The following ZNF804B variants were observed in gnomAD, a reference collection of about 807,000 sequenced individuals.
ZNF804B encodes the protein zinc finger protein 804B.
ZNF804B carries 80 observed loss-of-function variants against 101.4 expected under a neutral mutation model. The ratio of observed to expected loss-of-function variants is 0.79; its 90% CI spans 0.66 to 0.95. The LOEUF is 0.95. Ranked by LOEUF, ZNF804B falls within the 40% of genes least tolerant of loss-of-function variation. The pLI is 0.00. For synonymous variants in ZNF804B, 622 were observed against 558.8 expected, an observed-to-expected ratio of 1.11 and a Z score of -1.59; for missense variants, 1,673 against 1,561.9, an observed-to-expected ratio of 1.07 and a Z score of -1.20.
intron 1 of ZNF804B, among the ~76,000 whole-genome samples, chr7:88,885,304 A>G (rs1002183683): frequency 2.0e-5 from 3 of 151,786 alleles, no homozygotes; most frequent in African/African-American, 7.2e-5. Flanking sequence ...TTAGAGTCCA[A>G]ATCTCTAAAT....
At chr7:89,325,428 T>A (rs1245850852) in intron 2 of ZNF804B, among the ~76,000 whole-genome samples, 1 of 151,984 alleles carries the variant, frequency 6.6e-6, no homozygotes, top group African/African-American at 2.4e-5. Context: ...AGCACTTGTC[T>A]GTCTTCCTTG....
chr7:88,947,686 AC>A (rs987365584), intron 1 of ZNF804B, among the ~76,000 whole-genome samples: 1 of 151,904 alleles, frequency 6.6e-6, no homozygotes, highest in African/African-American at 2.4e-5. Flanking sequence ...AGAAAAAAAA[AC>A]TTAAAAGAAT....
intron 1 of ZNF804B, among the ~76,000 whole-genome samples, chr7:88,854,574 C>CCTTG (rs1233727148): frequency 1.5e-5 from 2 of 135,102 alleles, no homozygotes; most frequent in Non-Finnish European, 3.1e-5. Flanking sequence ...TTCCTTCCTT[C>CCTTG]CTTCCTTCCT....
chr7:88,927,819 C>A (rs1481236988), intron 1 of ZNF804B, among the ~76,000 whole-genome samples: 3 of 152,164 alleles, frequency 2.0e-5, no homozygotes, highest in Admixed American at 2.0e-4. Context: ...ATTATATAAA[C>A]TGTATTCCTA....
At chr7:89,014,707 T>G (rs939316072) in intron 1 of ZNF804B, among the ~76,000 whole-genome samples, 1 of 152,210 alleles carries the variant, frequency 6.6e-6, no homozygotes, top group African/African-American at 2.4e-5. Flanking sequence ...ATCAAATTGT[T>G]TATTTGCTGT....
rs367561225 is a variant in ZNF804B at position 89,220,110 on chromosome 7, T to G, written c.249+1815T>G. On this transcript the variant is annotated intron_variant, in intron 2 of 3. Transcript: ENST00000333190. ...ATATATACGCACATATATATGTGTGTATATACATATATATACGCACACATA... is the reference window on the plus strand; with the variant it reads ...ATATATACGCACATATATATGTGTGGATATACATATATATACGCACACATA... Among the ~76,000 whole-genome samples, 3 of 98,328 alleles carry G rather than the reference T, an allele frequency of 3.1e-5. 1 individual carries two copies. Among genetic ancestry groups the G allele is most frequent in the East Asian group, 2.1e-4 (1 of 4,806 alleles). The allele number at this position is 98,328 out of a possible 152,430, so 64.5% of individuals were successfully genotyped here.
At position 89,336,053 on chromosome 7, in the gene ZNF804B, A is replaced by G. The variant is rs150208448; in HGVS notation, c.3071A>G (p.Asn1024Ser). The change falls in exon 4 of 4, where the codon AAC (asparagine) becomes AGC (serine). Residue 1024 changes from asparagine (N) to serine (S), a missense_variant. Asn to Ser is a conservative substitution (Grantham distance 46). Coordinates refer to ENST00000333190, the MANE Select transcript of ZNF804B (RefSeq NM_181646.5). ...ATTTTAGCAGACACTGATTGTGATA[A>G]CCATCTTTCTAAAGGTATAATTCAC... Reference protein sequence around the residue: ...FTILADTDCDNHLSKGIIHLV... With the variant: ...FTILADTDCDSHLSKGIIHLV... 33 of 1,613,874 alleles carry G rather than the reference A, an allele frequency of 2.0e-5. No homozygotes were observed. In the Admixed American group the frequency reaches 3.8e-4, roughly 19 times the overall value.
At chr7:88,823,927 G>A (rs555155306) in intron 1 of ZNF804B, among the ~76,000 whole-genome samples, 1 of 152,240 alleles carries the variant, frequency 6.6e-6, no homozygotes, top group East Asian at 1.9e-4. Flanking sequence ...AGAATGAGCA[G>A]CAGCCTGAAT....
Position 89,272,634 on chromosome 7 carries a change from G to T in ZNF804B, c.249+54339G>T, listed in dbSNP as rs181996547. Among the ~76,000 whole-genome samples the T allele has an allele frequency of 9.0e-4, 137 of 152,132 alleles. 1 individual carries two copies. In the East Asian group the frequency reaches 0.019, roughly 21 times the overall value. ...CTAAGTTTTCCCGCTACCCCTTTAT[G>T]TTCCTGTCACTTTTAAAAATGATCT... On this transcript the variant is annotated intron_variant, in intron 2 of 3. Transcript: ENST00000333190.
rs145012182 is a variant in ZNF804B, at chr7:89,333,250, T to C, written c.381-113T>C. 3.1e-3 allele frequency: 3,206 copies of C among 1,036,468 alleles called. 14 individuals are homozygous for C. Among genetic ancestry groups the C allele is most frequent in the Admixed American group, 0.01 (335 of 32,900 alleles). The allele number at this position is 1,036,468 out of a possible 1,614,324, so 64.2% of individuals were successfully genotyped here. ...CAACAAAAGGTTATGTTTTAGAAGA[T>C]GTAGCTCATAAAATGTAAAATAACT... On this transcript the variant is annotated intron_variant, in intron 3 of 3. Coordinates refer to ENST00000333190, the MANE Select transcript of ZNF804B (RefSeq NM_181646.5).
intron 1 of ZNF804B, among the ~76,000 whole-genome samples, chr7:89,083,718 G>A (rs766572530): frequency 6.6e-5 from 10 of 151,658 alleles, no homozygotes; most frequent in East Asian, 1.9e-4. Flanking sequence ...TATTGAGACC[G>A]TTAAACTTTG....
chr7:88,865,881 T>A (rs1791718939), intron 1 of ZNF804B, among the ~76,000 whole-genome samples: 1 of 152,218 alleles, frequency 6.6e-6, no homozygotes, highest in Non-Finnish European at 1.5e-5. Context: ...GTCACGCCCC[T>A]CCTTACTTAA....
rs1039474491 is a variant in ZNF804B, at chr7:89,267,108, A to G, written c.249+48813A>G. On this transcript the variant is annotated intron_variant, in intron 2 of 3. Coordinates refer to ENST00000333190, the MANE Select transcript of ZNF804B (RefSeq NM_181646.5). ...TTCTGCAGACCTTGATTTAAACCAC[A>G]TTTTATGTCCTTATATTCCCTCCTT... is the stretch of plus-strand genomic sequence containing the variant. 7.9e-5 allele frequency among the ~76,000 whole-genome samples: 12 copies of G among 152,214 alleles called. No homozygotes were observed. In the South Asian group the frequency reaches 2.3e-3, roughly 29 times the overall value.
At chr7:89,124,465 G>A (rs755242566) in intron 1 of ZNF804B, among the ~76,000 whole-genome samples, 5 of 152,102 alleles carry the variant, frequency 3.3e-5, no homozygotes, top group Non-Finnish European at 7.4e-5. Context: ...GGGACAAGGG[G>A]TGGACTTGAA....
intron 1 of ZNF804B, among the ~76,000 whole-genome samples, chr7:88,768,064 T>C (rs1790010071): frequency 6.6e-6 from 1 of 152,224 alleles, no homozygotes; most frequent in Non-Finnish European, 1.5e-5. Flanking sequence ...TATTCTGCCT[T>C]ATTTTACTCA....
chr7:88,884,391 C>G, intron 1 of ZNF804B, among the ~76,000 whole-genome samples: 1 of 151,482 alleles, frequency 6.6e-6, no homozygotes, highest in East Asian at 1.9e-4. Context: ...CATTGGTTAT[C>G]TTTTGCTTCT....
At chr7:88,794,070 A>G (rs1586904989) in intron 1 of ZNF804B, 1 of 766,200 alleles carries the variant, frequency 1.3e-6, no homozygotes, top group East Asian at 2.7e-5. Context: ...ACCTCTGTGT[A>G]TATTGCAATG....
intron 1 of ZNF804B, among the ~76,000 whole-genome samples, chr7:89,043,183 A>G (rs1369949413): frequency 1.3e-5 from 2 of 152,204 alleles, no homozygotes; most frequent in African/African-American, 4.8e-5. Flanking sequence ...ATTTCCACTG[A>G]TTAATGCCGG....
chr7:88,973,983 G>C (rs1308316139), intron 1 of ZNF804B, among the ~76,000 whole-genome samples: 1 of 151,264 alleles, frequency 6.6e-6, no homozygotes, highest in Non-Finnish European at 1.5e-5. Context: ...ACAAAGCCCT[G>C]AGTTTATTTG....
Sources: allele counts gnomAD v4.1 joint callset (sites outside exome capture counted in the v4.1 genomes callset), GRCh38; gene constraint gnomAD v4.1.1; transcripts MANE v1.5; gene names NCBI Gene and HGNC (gene_info 2026-07-23, HGNC 2026-07-21).